The following INVS variants were observed in gnomAD, a reference collection of about 807,000 sequenced individuals.
INVS encodes inversion of embryo turning homolog.
Under a neutral mutation model 108.8 loss-of-function variants are expected in INVS, and 86 were observed. That is an observed-to-expected ratio of 0.79 (90% CI 0.66 to 0.95). The LOEUF (loss-of-function observed/expected upper bound fraction) is 0.95, where lower values mean the gene tolerates loss of function less well. INVS is among the 40% of genes least tolerant of loss of function. The pLI is 0.00. For synonymous variants in INVS, 455 were observed against 473.5 expected (o/e 0.96, Z 0.51); for missense variants, 1,169 against 1,297.4 (o/e 0.90, Z 1.52).
At chr9:100,232,463 T>C (rs1435176620) in intron 5 of INVS, among the ~76,000 whole-genome samples, 5 of 152,234 alleles carry the variant, frequency 3.3e-5, no homozygotes, top group African/African-American at 1.2e-4. Context: ...CTAGGTTTTC[T>C]TCTAGCATTT....
chr9:100,188,683 A>AG (rs1382973248), intron 3 of INVS, among the ~76,000 whole-genome samples: 1 of 146,772 alleles, frequency 6.8e-6, no homozygotes, highest in East Asian at 2.0e-4. Context: ...TCTTGGTATC[A>AG]GGGTGATACT....
rs183076923 is a variant in INVS at position 100,218,732 on chromosome 9, C to G, written c.274-7330C>G. Among the ~76,000 whole-genome samples, 6 of 152,312 alleles carry G rather than the reference C, an allele frequency of 3.9e-5. No individual in the cohort carries two copies. The East Asian group carries it at 1.2e-3, about 29-fold the overall frequency. ...TAGAATTTTGGAATATTCTTTGCCTCACTATGAGGCTACAGCTTTATAGGA... is the reference window on the plus strand; with the variant it reads ...TAGAATTTTGGAATATTCTTTGCCTGACTATGAGGCTACAGCTTTATAGGA... On this transcript the variant is annotated intron_variant, in intron 3 of 16. Coordinates refer to ENST00000262457, the MANE Select transcript of INVS (RefSeq NM_014425.5).
At chr9:100,163,636 G>A (rs1317399819) in intron 3 of INVS, among the ~76,000 whole-genome samples, 1 of 152,212 alleles carries the variant, frequency 6.6e-6, no homozygotes. Context: ...GTGATAGGGA[G>A]TGTAGGGATT....
At chr9:100,163,022 CCTAA>C (rs1198944114) in intron 3 of INVS, among the ~76,000 whole-genome samples, 2 of 152,028 alleles carry the variant, frequency 1.3e-5, no homozygotes, top group African/African-American at 4.8e-5. Context: ...GCCTTGTGAA[CCTAA>C]CTACTTTCAA....
At chr9:100,161,626 G>C (rs1829192029) in intron 3 of INVS, among the ~76,000 whole-genome samples, 1 of 151,958 alleles carries the variant, frequency 6.6e-6, no homozygotes, top group Non-Finnish European at 1.5e-5. Context: ...TGGATGGATG[G>C]ATGGATGGAT....
At chr9:100,256,180 A>G (rs1319893629) in intron 10 of INVS, among the ~76,000 whole-genome samples, 6 of 152,284 alleles carry the variant, frequency 3.9e-5, no homozygotes, top group African/African-American at 1.4e-4. Context: ...CATTTCTTCT[A>G]GATTTTCTAG....
Position 100,297,970 on chromosome 9 carries a change from A to G in INVS, c.3051A>G (p.Thr1017=), listed in dbSNP as rs1381275842. ...ACGAAGGGAAAATACATCATCCTACAAGATCTGTAAAAGCCTCTTCTGTGC... is the reference window on the plus strand; with the variant it reads ...ACGAAGGGAAAATACATCATCCTACGAGATCTGTAAAAGCCTCTTCTGTGC... ...CSHEGKIHHP[T]RSVKASSVLR... Residue 1017 remains threonine, a synonymous_variant, in exon 16 of 17, where the codon ACA becomes ACG. Transcript: ENST00000262457. The G allele has an allele frequency of 2.5e-6, 4 of 1,614,192 alleles. No homozygotes were observed. Among genetic ancestry groups the G allele is most frequent in the Admixed American group, 3.3e-5 (2 of 60,026 alleles).
At chr9:100,159,271 TGAA>T (rs1282585112) in intron 3 of INVS, among the ~76,000 whole-genome samples, 1 of 152,180 alleles carries the variant, frequency 6.6e-6, no homozygotes, top group Non-Finnish European at 1.5e-5. Flanking sequence ...GAAGGTTTCA[TGAA>T]GGAGAGAGAA....
At chr9:100,196,387 ATATGT>A (rs1830375843) in intron 3 of INVS, among the ~76,000 whole-genome samples, 1 of 152,144 alleles carries the variant, frequency 6.6e-6, no homozygotes, top group African/African-American at 2.4e-5. Context: ...ACTCAAGAAC[ATATGT>A]TAAGATGTTA....
At chr9:100,223,857 C>T (rs1831222836) in intron 3 of INVS, among the ~76,000 whole-genome samples, 1 of 152,176 alleles carries the variant, frequency 6.6e-6, no homozygotes, top group South Asian at 2.1e-4. Context: ...TGAGTCAATC[C>T]TATCTCTGCC....
chr9:100,284,926 T>C (rs955424137), intron 13 of INVS, among the ~76,000 whole-genome samples: 1 of 152,242 alleles, frequency 6.6e-6, no homozygotes, highest in Non-Finnish European at 1.5e-5. Flanking sequence ...AGGTATCGGA[T>C]GGTGTTATAA....
chr9:100,111,513 T>C (rs555871465), intron 2 of INVS, among the ~76,000 whole-genome samples: 9 of 152,314 alleles, frequency 5.9e-5, no homozygotes, highest in African/African-American at 1.4e-4. Context: ...CAAGCACCAA[T>C]TGGTCATGGA....
chr9:100,174,842 G>C (rs1377348654), intron 3 of INVS, among the ~76,000 whole-genome samples: 1 of 152,134 alleles, frequency 6.6e-6, no homozygotes, highest in Non-Finnish European at 1.5e-5. Flanking sequence ...AACCCAGGAG[G>C]AGGAGGTTGC....
chr9:100,289,694 A>ATATTGTTCTTCTTATATATATCTTC (rs1833554512), intron 13 of INVS, among the ~76,000 whole-genome samples: 1 of 152,116 alleles, frequency 6.6e-6, no homozygotes, highest in Non-Finnish European at 1.5e-5. Context: ...TATCTTCCTT[A>ATATTGTTCTTCTTATATATATCTTC]CATATATTGT....
intron 2 of INVS, among the ~76,000 whole-genome samples, chr9:100,118,964 C>T (rs144139389): frequency 1.5e-3 from 229 of 152,330 alleles, no homozygotes; most frequent in Non-Finnish European, 2.5e-3. Context: ...CCTGGTCTTT[C>T]CAGCACCATT....
intron 5 of INVS, among the ~76,000 whole-genome samples, chr9:100,238,615 TTC>T (rs1192779695): frequency 6.6e-6 from 1 of 152,224 alleles, no homozygotes; most frequent in Non-Finnish European, 1.5e-5. Flanking sequence ...GTCTTTTAAC[TTC>T]TCTTTTATAT....
chr9:100,285,865 G>A (rs918082593), intron 13 of INVS, among the ~76,000 whole-genome samples: 8 of 152,188 alleles, frequency 5.3e-5, no homozygotes, highest in East Asian at 3.8e-4. Flanking sequence ...TTGTTTGCAC[G>A]AAGCAATTTA....
At chr9:100,124,052 G>A (rs1308698534) in intron 2 of INVS, among the ~76,000 whole-genome samples, 4 of 152,040 alleles carry the variant, frequency 2.6e-5, no homozygotes, top group African/African-American at 9.7e-5. Context: ...CAAGTGATCC[G>A]CCCACCTCAG....
intron 3 of INVS, among the ~76,000 whole-genome samples, chr9:100,152,995 T>G (rs1021382237): frequency 2.1e-5 from 3 of 141,500 alleles, no homozygotes; most frequent in Non-Finnish European, 4.6e-5. Flanking sequence ...TTGTACAGAT[T>G]GTTAACTAAT....
Sources: allele counts gnomAD v4.1 joint callset (sites outside exome capture counted in the v4.1 genomes callset), GRCh38; gene constraint gnomAD v4.1.1; transcripts MANE v1.5; gene names NCBI Gene and HGNC (gene_info 2026-07-23, HGNC 2026-07-21).